FCMR: variants seen among roughly 807,000 people sequenced by gnomAD.
FCMR encodes the protein immunoglobulin mu Fc receptor.
A neutral mutation model predicts 41.6 loss-of-function variants in FCMR; 34 were observed. That is an observed-to-expected ratio of 0.82 (90% CI 0.62 to 1.09). FCMR has a LOEUF of 1.09. FCMR is among the 50% of genes least tolerant of loss of function. The pLI is 0.00. For synonymous variants in FCMR, 209 were observed against 211.8 expected (o/e 0.99, Z 0.12); for missense variants, 496 against 512.5 (o/e 0.97, Z 0.31).
intron 1 of FCMR, 96 bp from the exon 2 acceptor site, chr1:206,914,190 C>T: frequency 2.2e-6 from 2 of 903,114 alleles, no homozygotes; most frequent in South Asian, 3.1e-5. Flanking sequence ...CCAACCCTAG[C>T]CCAGGCCCCA....
Position 206,909,494 on chromosome 1 carries a change from G to T in FCMR, c.1012C>A (p.Pro338Thr). Residue 338 changes from proline to threonine, a missense_variant, in exon 7 of 8, where the codon CCC becomes ACC. Coordinates refer to ENST00000367091, the MANE Select transcript of FCMR (RefSeq NM_005449.5). The surrounding 1 kb of genome is among the most constrained non-coding windows in gnomAD (Gnocchi z 5.0). ...GGGGCGGGGGGCAACGGCGCTCCGG[G>T]GCCGGGAACGGGGGCCTCCCCTGTG... The part of the protein sequence containing the change: ...AGTGEAPVPG[P>T]GAPLPPAPLQ... The T allele has an allele frequency of 7.8e-7, 1 of 1,285,284 alleles. No homozygotes were observed. The highest frequency in any genetic ancestry group is 9.8e-7 in the Non-Finnish European group (1 of 1,017,898). 79.6% of individuals were successfully genotyped at this position (1,285,284 alleles called of 1,614,324 possible). A position where few individuals can be genotyped will look rare whatever the true frequency, so the allele number is the denominator to read the frequency against.
chr1:206,921,015 T>C (rs1339350001), intron 1 of FCMR, among the ~76,000 whole-genome samples: 1 of 94,216 alleles, frequency 1.1e-5, no homozygotes, highest in Non-Finnish European at 2.0e-5. Flanking sequence ...TGGTGATCAA[T>C]GAAGAATTGA....
intron 1 of FCMR, among the ~76,000 whole-genome samples, chr1:206,915,671 G>A (rs997157126): frequency 5.9e-5 from 9 of 152,106 alleles, no homozygotes; most frequent in African/African-American, 2.2e-4. Flanking sequence ...GGGTAAAGTT[G>A]TGTGTGTGTG....
intron 7 of FCMR, chr1:206,906,480 A>G (rs1418405989): frequency 6.5e-6 from 1 of 154,222 alleles, no homozygotes; most frequent in Non-Finnish European, 1.4e-5. Flanking sequence ...ACTATCTTCT[A>G]TTATGTTTTA....
chr1:206,918,767 G>C (rs936282439), intron 1 of FCMR, among the ~76,000 whole-genome samples: 3 of 151,394 alleles, frequency 2.0e-5, no homozygotes, highest in Non-Finnish European at 4.4e-5. Context: ...AAAAAGGTTT[G>C]AAAGCTCACA....
upstream of FCMR, among the ~76,000 whole-genome samples, chr1:206,922,944 A>T (rs1234772366): frequency 6.6e-6 from 1 of 152,180 alleles, no homozygotes; most frequent in Non-Finnish European, 1.5e-5. Flanking sequence ...CCCACCTCAC[A>T]TGGCTTTTCT....
intron 7 of FCMR, chr1:206,908,321 A>C: frequency 1.5e-6 from 1 of 665,114 alleles, no homozygotes; most frequent in Non-Finnish European, 2.6e-6. Context: ...GGGCAGCAGC[A>C]GTCCGGGTGC....
intron 1 of FCMR, among the ~76,000 whole-genome samples, chr1:206,919,688 G>C (rs1011482032): frequency 2.0e-5 from 3 of 152,162 alleles, no homozygotes; most frequent in Admixed American, 1.3e-4. Context: ...GACTGGAGAA[G>C]GGTGGAGCCC....
chr1:206,913,030 G>T lies in FCMR; in HGVS notation c.386C>A (p.Ser129Ter). Residue 129 changes from serine (S) to a stop codon, truncating the protein, a stop_gained, in exon 3 of 8, where the codon TCA becomes TAA. Transcript: ENST00000367091. LOFTEE classifies it high-confidence loss of function. ...TLNVHSEYEP[S>*]WEEQPMPETP... is the part of the protein sequence containing the mutation. ...CTCAGGCATTGGCTGCTCTTCCCATGATGGCTCGTATTCTATTGGAAGGAA... is the reference window on the plus strand; with the variant it reads ...CTCAGGCATTGGCTGCTCTTCCCATTATGGCTCGTATTCTATTGGAAGGAA... 1.9e-6 allele frequency: 3 copies of T among 1,612,024 alleles called. No homozygotes were observed. Among genetic ancestry groups the T allele is most frequent in the Non-Finnish European group, 2.5e-6 (3 of 1,178,096 alleles).
At chr1:206,919,315 G>A (rs145146131) in intron 1 of FCMR, among the ~76,000 whole-genome samples, 3 of 152,312 alleles carry the variant, frequency 2.0e-5, no homozygotes, top group Non-Finnish European at 4.4e-5. Flanking sequence ...GAGAGTTTGG[G>A]TAGGGCATGG....
At position 206,904,842 on chromosome 1, in the gene FCMR, G is replaced by A. The variant is rs370846528; in HGVS notation, c.*177C>T. ...AGGGGGCTGCCAAGGTGTGCAAGACGACCTGGGGGCAGAGCCATGCTCAGG... is the reference window on the plus strand; with the variant it reads ...AGGGGGCTGCCAAGGTGTGCAAGACAACCTGGGGGCAGAGCCATGCTCAGG... On this transcript the variant is annotated 3_prime_UTR_variant, in exon 8 of 8. Transcript: ENST00000367091. 4.3e-5 allele frequency: 29 copies of A among 681,982 alleles called. No individual in the cohort carries two copies. The highest frequency in any genetic ancestry group is 4.2e-4 in the Middle Eastern group (1 of 2,392). The allele number at this position is 681,982 out of a possible 1,614,324, so 42.2% of individuals were successfully genotyped here. A position where few individuals can be genotyped will look rare whatever the true frequency, so the allele number is the denominator to read the frequency against.
In FCMR at chr1:206,909,861, G is replaced by A; in HGVS notation, c.849C>T (p.Ser283=). The change falls in exon 6 of 8, where the codon TCC becomes TCT. Residue 283 remains serine (S), a synonymous_variant. Coordinates refer to ENST00000367091, the MANE Select transcript of FCMR (RefSeq NM_005449.5). This position sits in a 1 kb window ranked among gnomAD's most constrained non-coding sequence, Gnocchi z 5.0. ...TCACGGCCAGTCGGCGGGCCCGCCT[G>A]GAGAGGGCTTCCCCACAAAGCCACG... The part of the protein sequence containing the change: ...KRAVERRKAL[S]RRARRLAVRM... 1 of 1,382,404 alleles carries A rather than the reference G, an allele frequency of 7.2e-7. No individual in the cohort carries two copies. Among genetic ancestry groups the A allele is most frequent in the Non-Finnish European group, 9.4e-7 (1 of 1,069,422 alleles). The allele number at this position is 1,382,404 out of a possible 1,614,324, so 85.6% of individuals were successfully genotyped here.
At chr1:206,921,680 T>C (rs1265271688) in intron 1 of FCMR, 138 bp downstream of exon 1, 2 of 791,532 alleles carry the variant, frequency 2.5e-6, no homozygotes, top group African/African-American at 3.4e-5. Flanking sequence ...ATGGCCTCCA[T>C]TCTTGTCCTG....
Position 206,911,735 on chromosome 1 carries a change from C to T in FCMR, c.705G>A (p.Arg235=). The T allele has an allele frequency of 6.2e-7, 1 of 1,610,818 alleles. No homozygotes were observed. Reference sequence around the variant, plus strand: ...CCTGGACAGTGGTCTCTTACCTCTGCCTGTGCAGCCTGGTGTGGTGGTTGT... The same window carrying T: ...CCTGGACAGTGGTCTCTTACCTCTGTCTGTGCAGCCTGGTGTGGTGGTTGT... ...PSYNHHTRLH[R]QRALDYGSQS... Residue 235 remains arginine, a synonymous_variant, in exon 4 of 8, where the codon AGG becomes AGA. Coordinates refer to ENST00000367091, the MANE Select transcript of FCMR (RefSeq NM_005449.5).
Position 206,911,728 on chromosome 1 carries a change from A to C in FCMR, c.710+2T>G, listed in dbSNP as rs926172154. ...TCTAGATCCTGGACAGTGGTCTCTT[A>C]CCTCTGCCTGTGCAGCCTGGTGTGG... On this transcript the variant is annotated splice_donor_variant, in intron 4 of 7. Coordinates refer to ENST00000367091, the MANE Select transcript of FCMR (RefSeq NM_005449.5). LOFTEE classifies it high-confidence loss of function. 3 of 1,611,192 alleles carry C rather than the reference A, an allele frequency of 1.9e-6. No individual in the cohort carries two copies. The highest frequency in any genetic ancestry group is 1.7e-6 in the Non-Finnish European group (2 of 1,179,252).
rs774208676 is a variant in FCMR, at chr1:206,905,158, T to C, written c.1045-11A>G. 1.2e-6 allele frequency: 2 copies of C among 1,613,774 alleles called. No individual in the cohort carries two copies. The highest frequency in any genetic ancestry group is 2.2e-5 in the East Asian group (1 of 44,860). On this transcript the variant is annotated splice_polypyrimidine_tract_variant and intron_variant, in intron 7 of 7. Transcript: ENST00000367091. ...GGGAGATTCAGACACCTGGGGACAA[T>C]GAAAGAAGCATCACTGGATCTGGGT... is the stretch of plus-strand genomic sequence containing the variant.
chr1:206,921,690 G>A, intron 1 of FCMR, 128 bp downstream of exon 1: 1 of 855,300 alleles, frequency 1.2e-6, no homozygotes, highest in Non-Finnish European at 1.9e-6. Context: ...TTCTTGTCCT[G>A]CCCTAGGTGT....
Position 206,909,764 on chromosome 1 carries a change from T to C in FCMR, c.946A>G (p.Ser316Gly). Residue 316 changes from serine (S) to glycine (G), a missense_variant, in exon 6 of 8, where the codon AGC becomes GGC. Physicochemically the swap from Ser to Gly is moderately conservative, Grantham distance 56. Transcript: ENST00000367091. The surrounding 1 kb of genome is among the most constrained non-coding windows in gnomAD (Gnocchi z 5.0). ...CCACGAGCGCGCCGCGGGCAGGCGC[T>C]GTAGATGTTGTTTTGGGAGCGCGGT... is the stretch of plus-strand genomic sequence containing the variant. ...PRPRSQNNIY[S>G]ACPRRARGAD... 6.8e-7 allele frequency: 1 copy of C among 1,464,074 alleles called. No homozygotes were observed. The highest frequency in any genetic ancestry group is 1.3e-5 in the South Asian group (1 of 74,922). The allele number at this position is 1,464,074 out of a possible 1,614,324, so 90.7% of individuals were successfully genotyped here.
chr1:206,921,354 G>A (rs555746205), intron 1 of FCMR: 13 of 438,878 alleles, frequency 3.0e-5, no homozygotes, highest in South Asian at 9.8e-5. Flanking sequence ...TAATCCCAGC[G>A]CTTTGTGAAG....
Sources: allele counts gnomAD v4.1 joint callset (sites outside exome capture counted in the v4.1 genomes callset), GRCh38; gene constraint gnomAD v4.1.1; non-coding constraint Gnocchi (gnomAD v3.1); transcripts MANE v1.5; gene names NCBI Gene and HGNC (gene_info 2026-07-23, HGNC 2026-07-21).